Variants in ZC4H2 observed in about 807,000 individuals in gnomAD.
ZC4H2 encodes zinc finger C4H2 domain-containing protein.
For synonymous variants in ZC4H2, 84 were observed against 66.3 expected, an observed-to-expected ratio of 1.27 and a Z score of -1.30; for missense variants, 137 against 173.9, an observed-to-expected ratio of 0.79 and a Z score of 1.19.
At position 65,008,081 on chromosome X, in the gene ZC4H2, C is replaced by T. The variant is rs1333308638; in HGVS notation, c.-272+26548G>A. Among the ~76,000 whole-genome samples the T allele has an allele frequency of 2.7e-5, 3 of 111,196 alleles. No homozygotes were observed. In the Admixed American group the frequency reaches 2.9e-4, roughly 11 times the overall value. On this transcript the variant is annotated intron_variant, in intron 1 of 4. Coordinates refer to the ZC4H2 transcript ENST00000337990. ...TACCTATCTGATAAGGGATTAATAACCAGAATACGTAAGGAGTTCAAAAAA... is the reference window on the plus strand; with the variant it reads ...TACCTATCTGATAAGGGATTAATAATCAGAATACGTAAGGAGTTCAAAAAA...
intron 1 of ZC4H2, among the ~76,000 whole-genome samples, chrX:64,944,132 T>C (rs756155404): frequency 1.9e-5 from 2 of 103,993 alleles, no homozygotes; most frequent in East Asian, 5.7e-4. Context: ...TAAAATTTTT[T>C]TCTTTTTTCT....
chrX:64,958,358 CATT>C (rs1158294741), intron 1 of ZC4H2, among the ~76,000 whole-genome samples: 1 of 111,197 alleles, frequency 9.0e-6, no homozygotes, highest in Non-Finnish European at 1.9e-5. Context: ...ACTGAAACAT[CATT>C]ATATGGCACA....
chrX:64,939,155 G>C (rs2087694666), intron 1 of ZC4H2, among the ~76,000 whole-genome samples: 1 of 111,845 alleles, frequency 8.9e-6, no homozygotes, highest in African/African-American at 3.3e-5. Flanking sequence ...TAGACACATA[G>C]AGAGCCAAAT....
chrX:64,938,809 T>C (rs994087775), intron 1 of ZC4H2, among the ~76,000 whole-genome samples: 4 of 112,030 alleles, frequency 3.6e-5, no homozygotes, highest in African/African-American at 1.3e-4. Flanking sequence ...GAGCTATTTA[T>C]GACAAACCTA....
At chrX:64,919,511 C>T (rs772622302) in intron 3 of ZC4H2, 105 of 207,154 alleles carry the variant, frequency 5.1e-4, no homozygotes, top group Non-Finnish European at 8.4e-4. Flanking sequence ...TATTAAGTGT[C>T]CTAAGGCCTC....
chrX:64,989,552 T>G (rs186907433), intron 1 of ZC4H2, among the ~76,000 whole-genome samples: 6 of 112,081 alleles, frequency 5.4e-5, no homozygotes, highest in Non-Finnish European at 9.4e-5. Context: ...ATGGACTTTA[T>G]CAAAATTGAA....
At chrX:64,953,672 G>T (rs1311343858) in intron 1 of ZC4H2, among the ~76,000 whole-genome samples, 1 of 111,691 alleles carries the variant, frequency 9.0e-6, no homozygotes, top group Non-Finnish European at 1.9e-5. Context: ...GGAACAAAGG[G>T]TGCTGGAGAG....
At chrX:64,998,790 T>A (rs1932467335) in intron 1 of ZC4H2, among the ~76,000 whole-genome samples, 1 of 111,079 alleles carries the variant, frequency 9.0e-6, no homozygotes, top group Non-Finnish European at 1.9e-5. Flanking sequence ...TGATGATCCA[T>A]CATTAAGTAT....
intron 1 of ZC4H2, among the ~76,000 whole-genome samples, chrX:64,964,839 T>C (rs751131871): frequency 1.8e-5 from 2 of 111,271 alleles, no homozygotes; most frequent in African/African-American, 6.5e-5. Flanking sequence ...CAAAATGCAA[T>C]AGCACAGAGG....
chrX:64,958,510 G>A (rs1341930834), intron 1 of ZC4H2, among the ~76,000 whole-genome samples: 2 of 111,685 alleles, frequency 1.8e-5, no homozygotes, highest in East Asian at 5.6e-4. Flanking sequence ...AGAATTCCTT[G>A]CTTCTATATA....
chrX:64,989,912 T>C (rs1332521597), intron 1 of ZC4H2, among the ~76,000 whole-genome samples: 3 of 111,904 alleles, frequency 2.7e-5, no homozygotes, highest in Non-Finnish European at 5.6e-5. Context: ...ACGGAGTCAC[T>C]AATACATTGC....
chrX:64,996,241 A>T (rs1932411440), intron 1 of ZC4H2, among the ~76,000 whole-genome samples: 1 of 111,649 alleles, frequency 9.0e-6, no homozygotes, highest in Admixed American at 9.5e-5. Flanking sequence ...TGTCAAAACC[A>T]TAGGTGAACA....
At chrX:64,956,283 A>G in intron 1 of ZC4H2, among the ~76,000 whole-genome samples, 1 of 111,545 alleles carries the variant, frequency 9.0e-6, no homozygotes, top group Non-Finnish European at 1.9e-5. Flanking sequence ...CCATTCTTTA[A>G]TCTATTTAAT....
chrX:64,925,625 A>G (rs926727668), intron 1 of ZC4H2, among the ~76,000 whole-genome samples: 14 of 111,828 alleles, frequency 1.3e-4, no homozygotes, highest in Non-Finnish European at 2.6e-4. Context: ...AGTCCCTTTT[A>G]TGTAATCCTC....
chrX:64,933,713 T>C (rs1000873522), intron 1 of ZC4H2, among the ~76,000 whole-genome samples: 5 of 111,217 alleles, frequency 4.5e-5, no homozygotes, highest in Non-Finnish European at 9.4e-5. Context: ...AAGTTCACTG[T>C]TTCTTATGGG....
At chrX:64,931,155 T>C (rs1929722215) in intron 1 of ZC4H2, among the ~76,000 whole-genome samples, 1 of 111,978 alleles carries the variant, frequency 8.9e-6, no homozygotes, top group Non-Finnish European at 1.9e-5. Flanking sequence ...GAAAAGGTGT[T>C]CATAGTACAC....
At position 64,976,292 on chromosome X, in the gene ZC4H2, G is replaced by A. The variant is rs762832116; in HGVS notation, c.53+33C>T. The A allele has an allele frequency of 1.7e-5, 20 of 1,197,429 alleles. No homozygotes were observed. The Admixed American group carries it at 3.5e-4, about 21-fold the overall frequency. ...CCCTCTCCCGCAACGAAGGGTTGGA[G>A]AGGGGCGGGGAGGGGGACAACGTGC... On this transcript the variant is annotated intron_variant, in intron 1 of 4. Coordinates refer to ENST00000374839, the MANE Select transcript of ZC4H2 (RefSeq NM_018684.4).
intron 3 of ZC4H2, 39 bp from the exon 4 acceptor site, chrX:64,919,243 G>A (rs750814878): frequency 2.5e-6 from 3 of 1,197,412 alleles, no homozygotes; most frequent in African/African-American, 3.5e-5. Context: ...CATTCTGAAA[G>A]CAATGAGAAC....
At chrX:65,002,398 G>A (rs868754877) in intron 1 of ZC4H2, among the ~76,000 whole-genome samples, 32 of 105,671 alleles carry the variant, frequency 3.0e-4, no homozygotes, top group Admixed American at 1.7e-3. Context: ...GGAGGGAGGC[G>A]GGGGGTCAGC....
Sources: gnomAD v4.1 joint callset for allele counts (sites outside exome capture counted in the v4.1 genomes callset) on GRCh38, gnomAD v4.1.1 for gene constraint, MANE v1.5 for transcripts, NCBI Gene and HGNC (gene_info 2026-07-23, HGNC 2026-07-21) for gene names.